AHRR: variants seen among roughly 807,000 people sequenced by gnomAD.
The protein encoded by AHRR is aryl hydrocarbon receptor repressor.
A neutral mutation model predicts 44.0 loss-of-function variants in AHRR; 28 were observed. The ratio of observed to expected loss-of-function variants is 0.64; its 90% CI spans 0.47 to 0.87. The LOEUF (loss-of-function observed/expected upper bound fraction) is 0.87. Ranked by LOEUF, AHRR falls within the 40% of genes least tolerant of loss-of-function variation. The pLI is 0.00. For missense variants in AHRR, 990 were observed against 953.9 expected, an observed-to-expected ratio of 1.04 and a Z score of -0.50; for synonymous variants, 434 against 407.0, an observed-to-expected ratio of 1.07 and a Z score of -0.80.
At chr5:343,579 C>G (rs1223427000) in intron 1 of AHRR, 4 of 385,518 alleles carry the variant, frequency 1.0e-5, no homozygotes, top group Non-Finnish European at 1.9e-5. Flanking sequence ...TGGCTTCCTC[C>G]TCAGGACGCC....
intron 1 of AHRR, among the ~76,000 whole-genome samples, chr5:330,344 A>G (rs1193382959): frequency 6.6e-6 from 1 of 151,946 alleles, no homozygotes; most frequent in Non-Finnish European, 1.5e-5. Flanking sequence ...TATCTTTCTG[A>G]TGGGCTGTTG....
chr5:419,518 C>T lies in AHRR; in HGVS notation c.442-3211C>T, dbSNP rs937386714. On this transcript the variant is annotated intron_variant, in intron 5 of 10. Coordinates refer to ENST00000684583, the MANE Select transcript of AHRR (RefSeq NM_001377236.1). This position sits in a 1 kb window ranked among gnomAD's most constrained non-coding sequence, Gnocchi z 4.4. Reference sequence around the variant, plus strand: ...TTATAAATGAAGAAATTAGGGATGGCAGCAAGTGTAAGGGGAATGTTGCTT... The same window carrying T: ...TTATAAATGAAGAAATTAGGGATGGTAGCAAGTGTAAGGGGAATGTTGCTT... Among the ~76,000 whole-genome samples, 2 of 152,156 alleles carry T rather than the reference C, an allele frequency of 1.3e-5. No homozygotes were observed. Among genetic ancestry groups the T allele is most frequent in the Admixed American group, 6.5e-5 (1 of 15,282 alleles).
chr5:353,552 C>T (rs1742933419), intron 2 of AHRR, among the ~76,000 whole-genome samples, 178 bp from the exon 3 acceptor site: 1 of 152,180 alleles, frequency 6.6e-6, no homozygotes, highest in Non-Finnish European at 1.5e-5. Context: ...CTGTTGTGCG[C>T]TGTGGTTTTT....
intron 3 of AHRR, among the ~76,000 whole-genome samples, chr5:354,226 A>AGG (rs1212350904): frequency 6.6e-6 from 1 of 152,200 alleles, no homozygotes; most frequent in East Asian, 1.9e-4. Context: ...GCAGCTGCTG[A>AGG]GGGAGGGGCT....
intron 5 of AHRR, among the ~76,000 whole-genome samples, chr5:416,525 G>T (rs1434508848): frequency 9.2e-5 from 14 of 152,192 alleles, no homozygotes; most frequent in Admixed American, 9.2e-4. Flanking sequence ...GTCATCTCCT[G>T]ATGCGCCCTG....
At chr5:352,031 G>A (rs191297422) in intron 2 of AHRR, among the ~76,000 whole-genome samples, 25 of 152,372 alleles carry the variant, frequency 1.6e-4, no homozygotes, top group African/African-American at 5.8e-4. Flanking sequence ...AGGTGGCCTC[G>A]TTCCTGTGGT....
intron 3 of AHRR, among the ~76,000 whole-genome samples, 175 bp downstream of exon 3, chr5:354,086 C>G (rs1742959829): frequency 6.6e-6 from 1 of 152,238 alleles, no homozygotes; most frequent in Non-Finnish European, 1.5e-5. Context: ...TGGGAGCTGG[C>G]TGGGCTGTGG....
At position 326,888 on chromosome 5, in the gene AHRR, A is replaced by G. The variant is rs1741731286; in HGVS notation, c.-11+5069A>G. On this transcript the variant is annotated intron_variant, in intron 1 of 10. Transcript: ENST00000684583. The surrounding 1 kb of genome is among the most constrained non-coding windows in gnomAD (Gnocchi z 4.1). ...AGCCTGACCAATATGGTGAAACCCC[A>G]TCTCTACCAAAAATACAAAAATTAG... Among the ~76,000 whole-genome samples the G allele has an allele frequency of 6.6e-6, 1 of 152,066 alleles. No individual in the cohort carries two copies. The highest frequency in any genetic ancestry group is 2.1e-4 in the South Asian group (1 of 4,826).
intron 4 of AHRR, among the ~76,000 whole-genome samples, chr5:398,233 A>G (rs868545371): frequency 2.0e-4 from 20 of 99,418 alleles, no homozygotes; most frequent in African/African-American, 9.0e-4. Context: ...CTGACCATCC[A>G]TGTTAGCCCC....
rs372039579 is a variant in AHRR, at chr5:331,127, G to A, written c.-11+9308G>A. ...CTTGACCACGTGATCCACCCGCCTC[G>A]GCCTCCCAAAGTGCTGGGATTACAG... On this transcript the variant is annotated intron_variant, in intron 1 of 10. Coordinates refer to ENST00000684583, the MANE Select transcript of AHRR (RefSeq NM_001377236.1). Among the ~76,000 whole-genome samples the A allele has an allele frequency of 1.8e-4, 27 of 152,080 alleles. No individual in the cohort carries two copies. In the East Asian group the frequency reaches 4.5e-3, roughly 25 times the overall value.
Position 419,911 on chromosome 5 carries a change from A to G in AHRR, c.442-2818A>G, listed in dbSNP as rs950215414. Reference sequence around the variant, plus strand: ...TGTAAAGTGGATTTTAAGATGTGGAATTGGGAGGTAGAGTGGTTTAGAATA... The same window carrying G: ...TGTAAAGTGGATTTTAAGATGTGGAGTTGGGAGGTAGAGTGGTTTAGAATA... On this transcript the variant is annotated intron_variant, in intron 5 of 10. Transcript: ENST00000684583. The surrounding 1 kb of genome is among the most constrained non-coding windows in gnomAD (Gnocchi z 4.4). Among the ~76,000 whole-genome samples the G allele has an allele frequency of 1.3e-5, 2 of 152,124 alleles. No homozygotes were observed. The highest frequency in any genetic ancestry group is 6.5e-5 in the Admixed American group (1 of 15,282).
intron 3 of AHRR, among the ~76,000 whole-genome samples, chr5:360,242 CAG>C (rs1743130603): frequency 6.6e-6 from 1 of 152,176 alleles, no homozygotes; most frequent in African/African-American, 2.4e-5. Flanking sequence ...TGAGAGAACA[CAG>C]GGGGAAGGCA....
intron 4 of AHRR, among the ~76,000 whole-genome samples, chr5:403,408 G>A (rs1473239789): frequency 6.6e-6 from 1 of 152,170 alleles, no homozygotes; most frequent in Non-Finnish European, 1.5e-5. Context: ...GGCCAAGGCG[G>A]GTGGATCACC....
At chr5:339,201 A>T (rs539052688) in intron 1 of AHRR, among the ~76,000 whole-genome samples, 2 of 152,284 alleles carry the variant, frequency 1.3e-5, no homozygotes, top group South Asian at 4.1e-4. Context: ...CGCAGCCTCA[A>T]TGTCCTGGGC....
At position 426,685 on chromosome 5, in the gene AHRR, GGATA is replaced by G. The variant is rs776641780; in HGVS notation, c.709-1118_709-1115del. 1.1e-3 allele frequency among the ~76,000 whole-genome samples: 163 copies of G among 150,728 alleles called. 1 individual carries two copies. The South Asian group carries it at 0.011, about 10-fold the overall frequency. On this transcript the variant is annotated intron_variant, in intron 7 of 10. Coordinates refer to ENST00000684583, the MANE Select transcript of AHRR (RefSeq NM_001377236.1). ...TGGGTGGATGGGTGGACGGATGGAT[GGATA>G]GATGGATGGGTGGATGGATGGCTAG...
chr5:414,113 AT>A (rs1457524967), intron 5 of AHRR, among the ~76,000 whole-genome samples: 2 of 152,140 alleles, frequency 1.3e-5, no homozygotes, highest in Non-Finnish European at 2.9e-5. Flanking sequence ...AAATACAAAA[AT>A]TAGCTGGGTG....
At chr5:325,886 G>T (rs554712498) in intron 1 of AHRR, among the ~76,000 whole-genome samples, 2 of 152,066 alleles carry the variant, frequency 1.3e-5, no homozygotes, top group Admixed American at 1.3e-4. Flanking sequence ...GGGTTCAAGC[G>T]ATTCTCCTGC....
intron 1 of AHRR, among the ~76,000 whole-genome samples, chr5:329,019 A>G (rs1741825738): frequency 2.0e-5 from 3 of 152,128 alleles, no homozygotes; most frequent in African/African-American, 7.2e-5. Context: ...CCTGGTGGGA[A>G]GTGATTGGAT....
In AHRR at chr5:427,715, A is replaced by C. The variant is rs1487168931; in HGVS notation, c.709-92A>C. On this transcript the variant is annotated intron_variant, in intron 7 of 10. Coordinates refer to ENST00000684583, the MANE Select transcript of AHRR (RefSeq NM_001377236.1). ...GGTGAGCTGCCTCCCTACGAATTCC[A>C]GCCGCTGTCGCGCCCTTGAGTTCTG... is the stretch of plus-strand genomic sequence containing the variant. The C allele has an allele frequency of 2.5e-6, 4 of 1,613,752 alleles. No individual in the cohort carries two copies. The African/African-American group carries it at 5.3e-5, about 22-fold the overall frequency.
Sources: allele counts gnomAD v4.1 joint callset (sites outside exome capture counted in the v4.1 genomes callset), GRCh38; gene constraint gnomAD v4.1.1; non-coding constraint Gnocchi (gnomAD v3.1); transcripts MANE v1.5; gene names NCBI Gene and HGNC (gene_info 2026-07-23, HGNC 2026-07-21).